The following NCALD variants were observed in gnomAD, a reference collection of about 807,000 sequenced individuals.
NCALD encodes neurocalcin delta.
NCALD carries 10 observed loss-of-function variants against 18.6 expected under a neutral mutation model. The observed-to-expected ratio is 0.54, with a 90% CI of 0.33 to 0.91. The LOEUF (loss-of-function observed/expected upper bound fraction) is 0.91, where lower values mean the gene tolerates loss of function less well. Ranked by LOEUF, NCALD falls within the 40% of genes least tolerant of loss-of-function variation. The pLI, the probability that NCALD is intolerant of heterozygous loss-of-function variation, is 0.03. For synonymous variants in NCALD, 88 were observed against 87.4 expected, an observed-to-expected ratio of 1.01 and a Z score of -0.04; for missense variants, 184 against 247.6, an observed-to-expected ratio of 0.74 and a Z score of 1.72.
At chr8:101,749,276 C>T (rs1209350653) in intron 1 of NCALD, among the ~76,000 whole-genome samples, 2 of 152,186 alleles carry the variant, frequency 1.3e-5, no homozygotes, top group African/African-American at 4.8e-5. Context: ...TCATAAATGG[C>T]TCTGCAGAAT....
At chr8:101,792,010 A>G (rs1194472216), upstream of NCALD, among the ~76,000 whole-genome samples, 1 of 152,220 alleles carries the variant, frequency 6.6e-6, no homozygotes, top group Admixed American at 6.5e-5. Context: ...GAAGCCGATT[A>G]AACAAAATCA....
rs958664957 is a variant in NCALD, at chr8:101,687,451, A to G, written c.*1858T>C. The G allele has an allele frequency of 1.3e-5, 2 of 152,656 alleles. No homozygotes were observed. Among genetic ancestry groups the G allele is most frequent in the Non-Finnish European group, 2.9e-5 (2 of 68,042 alleles). 9.5% of individuals were successfully genotyped at this position (152,656 alleles called of 1,614,324 possible). A position where few individuals can be genotyped will look rare whatever the true frequency, so the allele number is the denominator to read the frequency against. On this transcript the variant is annotated 3_prime_UTR_variant, in exon 4 of 4. Coordinates refer to ENST00000220931, the MANE Select transcript of NCALD (RefSeq NM_032041.3). ...ACTGTGAGGAACTGACCCCTGGAGG[A>G]AGACTAGGATTATTTTTACAGAGTC...
chr8:101,768,779 G>A (rs1811462653), intron 1 of NCALD, among the ~76,000 whole-genome samples: 2 of 151,916 alleles, frequency 1.3e-5, no homozygotes, highest in African/African-American at 4.8e-5. Flanking sequence ...AAAAAAGAAG[G>A]GGTAAATTAA....
intron 1 of NCALD, among the ~76,000 whole-genome samples, chr8:102,059,877 G>A (rs1823779980): frequency 6.6e-6 from 1 of 152,226 alleles, no homozygotes; most frequent in African/African-American, 2.4e-5. Flanking sequence ...ATCCACCAGA[G>A]GGCCTGGTAA....
chr8:101,714,395 G>A (rs568924089), intron 2 of NCALD, among the ~76,000 whole-genome samples: 1 of 152,234 alleles, frequency 6.6e-6, no homozygotes, highest in African/African-American at 2.4e-5. Flanking sequence ...ACTCACAATT[G>A]CTACAAAGAG....
chr8:101,967,990 C>T (rs549462683), intron 2 of NCALD, among the ~76,000 whole-genome samples: 6 of 152,252 alleles, frequency 3.9e-5, no homozygotes, highest in African/African-American at 1.2e-4. Context: ...GATCACTAGC[C>T]ATGAGAACAA....
chr8:101,778,194 C>T (rs763924801), intron 1 of NCALD, among the ~76,000 whole-genome samples: 14 of 152,174 alleles, frequency 9.2e-5, no homozygotes, highest in African/African-American at 2.9e-4. Context: ...TCCTGTGAGC[C>T]GAACTGCCAG....
In NCALD at chr8:102,006,032, T is replaced by TAAA. The variant is rs200782507; in HGVS notation, c.-157+14202_-157+14204dup. 3.6e-5 allele frequency among the ~76,000 whole-genome samples: 5 copies of TAAA among 138,478 alleles called. No individual in the cohort carries two copies. The East Asian group carries it at 6.0e-4, about 17-fold the overall frequency. The allele number at this position is 138,478 out of a possible 152,430, so 90.8% of individuals were successfully genotyped here. On this transcript the variant is annotated intron_variant, in intron 2 of 6. Coordinates refer to the NCALD transcript ENST00000311028. ...TACCCTAAAACTTAAAGTATAATAA[T>TAAA]AAAAAAAAAAAACTGGAGAGTTAAC...
At chr8:101,959,932 A>T (rs1819775622) in intron 2 of NCALD, among the ~76,000 whole-genome samples, 1 of 134,820 alleles carries the variant, frequency 7.4e-6, no homozygotes, top group Non-Finnish European at 1.5e-5. Flanking sequence ...ACACCTCTTC[A>T]TCCCACTTGG....
At chr8:101,748,188 G>C (rs1810504799) in intron 1 of NCALD, among the ~76,000 whole-genome samples, 2 of 152,136 alleles carry the variant, frequency 1.3e-5, no homozygotes, top group Admixed American at 1.3e-4. Flanking sequence ...CTGGTCACCT[G>C]TCTTTTTTTG....
intron 1 of NCALD, among the ~76,000 whole-genome samples, chr8:102,104,703 T>C (rs968616224): frequency 3.9e-5 from 6 of 152,180 alleles, no homozygotes; most frequent in Non-Finnish European, 8.8e-5. Flanking sequence ...CAGTATCCCT[T>C]CCCATTTCTT....
chr8:101,799,525 G>A (rs1380401887), intron 4 of NCALD, among the ~76,000 whole-genome samples: 2 of 152,188 alleles, frequency 1.3e-5, no homozygotes, highest in Non-Finnish European at 2.9e-5. Context: ...ACCACCCAGA[G>A]GCTTTGGGTG....
intron 2 of NCALD, among the ~76,000 whole-genome samples, chr8:101,714,854 G>A (rs537605667): frequency 7.3e-5 from 11 of 150,868 alleles, no homozygotes; most frequent in South Asian, 2.1e-4. Context: ...AAAATTAGCC[G>A]GGCGCGGTGG....
chr8:101,878,970 G>T (rs537194697), intron 4 of NCALD, among the ~76,000 whole-genome samples: 5 of 152,342 alleles, frequency 3.3e-5, no homozygotes, highest in Admixed American at 6.5e-5. Context: ...CACTTAAAAT[G>T]TGGTCTACGG....
At chr8:101,712,322 C>T (rs1336112938) in intron 2 of NCALD, among the ~76,000 whole-genome samples, 2 of 151,926 alleles carry the variant, frequency 1.3e-5, no homozygotes, top group African/African-American at 4.8e-5. Flanking sequence ...ATGCAAAGAC[C>T]GTCAACACTA....
chr8:101,914,563 T>C (rs575760485), intron 3 of NCALD, among the ~76,000 whole-genome samples: 1 of 152,312 alleles, frequency 6.6e-6, no homozygotes, highest in East Asian at 1.9e-4. Context: ...TTACATACAT[T>C]ATTTGGAATT....
rs576679764 is a variant in NCALD, at chr8:101,751,430, G to A, written c.-19-31782C>T. 3.3e-5 allele frequency among the ~76,000 whole-genome samples: 5 copies of A among 152,158 alleles called. No individual in the cohort carries two copies. In the South Asian group the frequency reaches 8.3e-4, roughly 25 times the overall value. On this transcript the variant is annotated intron_variant, in intron 1 of 3. Coordinates refer to ENST00000220931, the MANE Select transcript of NCALD (RefSeq NM_032041.3). Reference sequence around the variant, plus strand: ...GAAAAAAGTTCTGGAAATGGGTAATGGTGACAGTTATACAACATTTGAATA... The same window carrying A: ...GAAAAAAGTTCTGGAAATGGGTAATAGTGACAGTTATACAACATTTGAATA...
At chr8:101,990,348 C>A (rs1336067066) in intron 2 of NCALD, among the ~76,000 whole-genome samples, 2 of 152,108 alleles carry the variant, frequency 1.3e-5, no homozygotes, top group Admixed American at 6.5e-5. Context: ...CCACTGAAGT[C>A]CTGATTAATT....
intron 1 of NCALD, among the ~76,000 whole-genome samples, chr8:101,761,906 G>C (rs537428095): frequency 2.6e-5 from 4 of 152,182 alleles, no homozygotes; most frequent in African/African-American, 4.8e-5. Context: ...TCGGGGCCTC[G>C]AATGTACATG....
Sources: gnomAD v4.1 joint callset for allele counts (sites outside exome capture counted in the v4.1 genomes callset) on GRCh38, gnomAD v4.1.1 for gene constraint, MANE v1.5 for transcripts, NCBI Gene and HGNC (gene_info 2026-07-23, HGNC 2026-07-21) for gene names.